Variants in PEX14 observed in about 807,000 individuals in gnomAD.
The protein encoded by PEX14 is peroxisomal membrane protein PEX14.
In PEX14, 15 loss-of-function variants were observed where a neutral mutation model predicts 49.5. The observed-to-expected ratio is 0.30, with a 90% CI of 0.20 to 0.47. The LOEUF is 0.47. Among genes scored for constraint, PEX14 ranks in the 20% least tolerant of loss-of-function variants. The pLI is 1.00. For synonymous variants in PEX14, 210 were observed against 212.7 expected (o/e 0.99, Z 0.11); for missense variants, 398 against 494.8 (o/e 0.80, Z 1.86).
At chr1:10,610,775 G>A (rs932801130) in intron 4 of PEX14, among the ~76,000 whole-genome samples, 2 of 152,206 alleles carry the variant, frequency 1.3e-5, no homozygotes, top group African/African-American at 2.4e-5. Flanking sequence ...TTACAGGCAT[G>A]AGCCACTGCC....
chr1:10,627,225 C>G (rs371945105), intron 7 of PEX14, 47 bp from the exon 8 acceptor site: 3 of 1,344,880 alleles, frequency 2.2e-6, no homozygotes, highest in African/African-American at 2.9e-5. Flanking sequence ...AGGCCCCGCC[C>G]GTGCCGCAAG....
chr1:10,587,108 C>T (rs1407495377), intron 3 of PEX14, among the ~76,000 whole-genome samples: 1 of 152,088 alleles, frequency 6.6e-6, no homozygotes, highest in Non-Finnish European at 1.5e-5. Context: ...AAGCTGTACA[C>T]TTAAAAATGT....
At chr1:10,530,976 T>A (rs1000828543) in intron 2 of PEX14, among the ~76,000 whole-genome samples, 11 of 152,286 alleles carry the variant, frequency 7.2e-5, no homozygotes, top group African/African-American at 2.6e-4. Flanking sequence ...GTTCGTGGAA[T>A]GTGGCTTGTG....
chr1:10,622,810 T>A (rs1314612116), intron 5 of PEX14, among the ~76,000 whole-genome samples: 2 of 152,260 alleles, frequency 1.3e-5, no homozygotes, highest in Non-Finnish European at 2.9e-5. Flanking sequence ...CGTTCCCTCC[T>A]GGTCCTTGTC....
At chr1:10,575,075 A>T (rs947889911) in intron 3 of PEX14, among the ~76,000 whole-genome samples, 12 of 77,618 alleles carry the variant, frequency 1.5e-4, no homozygotes, top group Non-Finnish European at 1.6e-4. Flanking sequence ...TCTCTTAAAT[A>T]AAAAAAAAAA....
intron 2 of PEX14, among the ~76,000 whole-genome samples, chr1:10,533,572 G>A (rs981482722): frequency 6.6e-6 from 1 of 151,872 alleles, no homozygotes; most frequent in African/African-American, 2.4e-5. Flanking sequence ...TATCCCCCAC[G>A]TTCTTCTTAA....
intron 3 of PEX14, among the ~76,000 whole-genome samples, chr1:10,593,371 G>A (rs1557863399): frequency 6.6e-6 from 1 of 152,052 alleles, no homozygotes; most frequent in African/African-American, 2.4e-5. Context: ...GAAGGATACC[G>A]AGAGGACATT....
At chr1:10,555,650 T>TGTGTGC (rs1639465318) in intron 3 of PEX14, among the ~76,000 whole-genome samples, 1 of 147,448 alleles carries the variant, frequency 6.8e-6, no homozygotes, top group Non-Finnish European at 1.5e-5. Context: ...TGAGTGTGTG[T>TGTGTGC]GTGTGTGTGT....
chr1:10,551,642 G>T (rs1409489774), intron 3 of PEX14, among the ~76,000 whole-genome samples: 1 of 152,182 alleles, frequency 6.6e-6, no homozygotes, highest in Admixed American at 6.5e-5. Context: ...GGTGAACCAA[G>T]AATATACATG....
At chr1:10,541,526 G>T (rs1352673440) in intron 3 of PEX14, among the ~76,000 whole-genome samples, 2 of 152,224 alleles carry the variant, frequency 1.3e-5, no homozygotes, top group South Asian at 4.1e-4. Context: ...GGTGAGCGAG[G>T]AGCTGCTCGT....
intron 3 of PEX14, among the ~76,000 whole-genome samples, chr1:10,584,973 G>A (rs1360604927): frequency 6.6e-6 from 1 of 152,172 alleles, no homozygotes; most frequent in Non-Finnish European, 1.5e-5. Flanking sequence ...AGGAGGGGTG[G>A]AGGGAAAGTT....
intron 3 of PEX14, among the ~76,000 whole-genome samples, chr1:10,558,214 G>A (rs1444279481): frequency 6.6e-6 from 1 of 151,954 alleles, no homozygotes; most frequent in African/African-American, 2.4e-5. Context: ...CTTCATGTTG[G>A]TCAGGCTGGT....
At chr1:10,537,022 C>T (rs1638826826) in intron 3 of PEX14, among the ~76,000 whole-genome samples, 1 of 152,120 alleles carries the variant, frequency 6.6e-6, no homozygotes, top group Non-Finnish European at 1.5e-5. Flanking sequence ...TTCTTCCTCC[C>T]AAAGCAAAAC....
At chr1:10,620,384 T>G (rs1641554795) in intron 5 of PEX14, among the ~76,000 whole-genome samples, 1 of 152,138 alleles carries the variant, frequency 6.6e-6, no homozygotes, top group African/African-American at 2.4e-5. Flanking sequence ...CTCGGGAGGC[T>G]GAGGGTGGTG....
intron 1 of PEX14, among the ~76,000 whole-genome samples, chr1:10,476,759 G>A (rs901858600): frequency 3.9e-5 from 6 of 152,136 alleles, no homozygotes; most frequent in Non-Finnish European, 7.4e-5. Context: ...CCAAAGTGCT[G>A]AGATTATATG....
chr1:10,577,602 T>A (rs1570296215), intron 3 of PEX14, among the ~76,000 whole-genome samples: 1 of 44,494 alleles, frequency 2.2e-5, no homozygotes, highest in Non-Finnish European at 3.9e-5. Context: ...TTTTTTTTTT[T>A]TTTTTTTTGG....
At chr1:10,560,604 C>T (rs1300000612) in intron 3 of PEX14, among the ~76,000 whole-genome samples, 2 of 151,732 alleles carry the variant, frequency 1.3e-5, no homozygotes, top group African/African-American at 4.8e-5. Context: ...CTTCTGACCT[C>T]AGGTGATCTG....
At chr1:10,588,648 C>T (rs1174205005) in intron 3 of PEX14, among the ~76,000 whole-genome samples, 1 of 152,142 alleles carries the variant, frequency 6.6e-6, no homozygotes, top group African/African-American at 2.4e-5. Context: ...ATGCTGTGGA[C>T]GCCTCCACCT....
At chr1:10,582,883 G>A (rs1435795852) in intron 3 of PEX14, among the ~76,000 whole-genome samples, 6 of 152,000 alleles carry the variant, frequency 3.9e-5, no homozygotes, top group Non-Finnish European at 8.8e-5. Context: ...ACAGGCGCCT[G>A]CCACCACACC....
Sources: gnomAD v4.1 joint callset for allele counts (sites outside exome capture counted in the v4.1 genomes callset) on GRCh38, gnomAD v4.1.1 for gene constraint, MANE v1.5 for transcripts, NCBI Gene and HGNC (gene_info 2026-07-23, HGNC 2026-07-21) for gene names.